USP15: variants seen among roughly 807,000 people sequenced by gnomAD.
The protein encoded by USP15 is ubiquitin carboxyl-terminal hydrolase 15.
USP15 carries 18 observed loss-of-function variants against 127.1 expected under a neutral mutation model. The ratio of observed to expected loss-of-function variants is 0.14; its 90% confidence interval spans 0.10 to 0.21. The LOEUF (loss-of-function observed/expected upper bound fraction) is 0.21, where lower values mean the gene tolerates loss of function less well. USP15 is among the 10% of genes least tolerant of loss of function. USP15 has a pLI of 1.00. For synonymous variants in USP15, 364 were observed against 393.7 expected, an observed-to-expected ratio of 0.92 and a Z score of 0.89; for missense variants, 805 against 1,159.9, an observed-to-expected ratio of 0.69 and a Z score of 4.44.
chr12:62,381,517 G>T lies in USP15; in HGVS notation c.943G>T (p.Glu315Ter). The T allele has an allele frequency of 6.2e-7, 1 of 1,611,292 alleles. No individual in the cohort carries two copies. The highest frequency in any genetic ancestry group is 8.5e-7 in the Non-Finnish European group (1 of 1,178,334). ...TTTGAGCAACACACCTCCACTTACT[G>T]AGTATTTCCTCAATGATAAGTATCA... ...QCLSNTPPLT[E>*]YFLNDKYQEE... The change falls in exon 9 of 22, where the codon GAG (glutamate) becomes TAG (stop). Residue 315 changes from glutamate to a stop codon, truncating the protein, a stop_gained. Transcript: ENST00000280377. LOFTEE classifies it high-confidence loss of function.
chr12:62,391,427 A>T lies in USP15; in HGVS notation c.2231A>T (p.Asp744Val). 1.9e-6 allele frequency: 3 copies of T among 1,598,136 alleles called. No individual in the cohort carries two copies. Among genetic ancestry groups the T allele is most frequent in the Non-Finnish European group, 2.6e-6 (3 of 1,175,336 alleles). Residue 744 changes from aspartate to valine, a missense_variant and splice_region_variant, in exon 16 of 22, where the codon GAT becomes GTT. Around this residue, in one of 11 missense-constraint regions of USP15, gnomAD observed 225 missense variants for 239.5 expected, o/e 0.94. Coordinates refer to ENST00000280377, the MANE Select transcript of USP15 (RefSeq NM_001252078.2). ...IRFDDRQLRLDERSFLALDWD... is the reference protein window; with the variant it reads ...IRFDDRQLRLVERSFLALDWD... ...TTTGATGATAGGCAGCTTAGGCTAG[A>T]TGGTAAGTATTTGTGAAAAATGGCT...
rs1187652295 is a variant in USP15 at position 62,415,942 on chromosome 12, C to G, written c.*11567C>G. ...TCCTTCCTTATGAATGAGAGCAGCTCTCTGTTCAATACGATTCATACTCAA... is the reference window on the plus strand; with the variant it reads ...TCCTTCCTTATGAATGAGAGCAGCTGTCTGTTCAATACGATTCATACTCAA... On this transcript the variant is annotated 3_prime_UTR_variant, in exon 22 of 22. Transcript: ENST00000280377. 1 of 152,152 alleles carries G rather than the reference C, an allele frequency of 6.6e-6. No individual in the cohort carries two copies. Among genetic ancestry groups the G allele is most frequent in the Non-Finnish European group, 1.5e-5 (1 of 68,038 alleles). The allele number at this position is 152,152 out of a possible 1,614,324, so 9.4% of individuals were successfully genotyped here. A position where few individuals can be genotyped will look rare whatever the true frequency, so the allele number is the denominator to read the frequency against.
At chr12:62,401,030 T>C (rs1296069312) in intron 20 of USP15, 157 bp from the exon 21 acceptor site, 2 of 461,020 alleles carry the variant, frequency 4.3e-6, no homozygotes, top group Non-Finnish European at 7.6e-6. Flanking sequence ...TTGTAGAAAT[T>C]AGAAATCATT....
chr12:62,354,068 ATTG>A lies in USP15; in HGVS notation c.771-1261_771-1259del, dbSNP rs565485812. On this transcript the variant is annotated intron_variant, in intron 7 of 21. Coordinates refer to ENST00000280377, the MANE Select transcript of USP15 (RefSeq NM_001252078.2). ...AATGCAAAAACATTAGTAGGCCAAC[ATTG>A]TATGTGTAATTTTAGGTTGGTTTGG... Among the ~76,000 whole-genome samples, 4 of 151,610 alleles carry A rather than the reference ATTG, an allele frequency of 2.6e-5. No homozygotes were observed. The South Asian group carries it at 8.3e-4, about 32-fold the overall frequency.
At chr12:62,392,438 T>C in intron 18 of USP15, 51 bp downstream of exon 18, 2 of 1,306,246 alleles carry the variant, frequency 1.5e-6, no homozygotes, top group East Asian at 4.7e-5. Flanking sequence ...GGATTTATTC[T>C]GAGATATGTG....
chr12:62,351,176 G>A (rs889771846), intron 7 of USP15, among the ~76,000 whole-genome samples: 1 of 151,458 alleles, frequency 6.6e-6, no homozygotes, highest in Non-Finnish European at 1.5e-5. Flanking sequence ...AAAGATATGT[G>A]CACTATGTGT....
intron 8 of USP15, among the ~76,000 whole-genome samples, chr12:62,379,184 ATAGAAGT>A (rs1365459163): frequency 1.2e-4 from 17 of 147,414 alleles, no homozygotes; most frequent in Non-Finnish European, 1.0e-4. Context: ...TGATGGATTT[ATAGAAGT>A]TAGTAAGGCC....
chr12:62,317,943 AC>A (rs2137265293), intron 4 of USP15, among the ~76,000 whole-genome samples: 1 of 152,318 alleles, frequency 6.6e-6, no homozygotes, highest in East Asian at 1.9e-4. Flanking sequence ...ACTACCAAAA[AC>A]ATAAAACTTC....
At chr12:62,289,839 A>G (rs1330483577) in intron 1 of USP15, among the ~76,000 whole-genome samples, 1 of 151,626 alleles carries the variant, frequency 6.6e-6, no homozygotes, top group East Asian at 1.9e-4. Flanking sequence ...CATTTTTTAA[A>G]ATTTTCATCT....
At chr12:62,365,544 C>T (rs1224722450) in intron 8 of USP15, among the ~76,000 whole-genome samples, 3 of 152,106 alleles carry the variant, frequency 2.0e-5, no homozygotes, top group Non-Finnish European at 4.4e-5. Flanking sequence ...TGTGCAGAAG[C>T]TTTTTAGTTT....
At chr12:62,296,048 T>C (rs1171379942) in intron 2 of USP15, among the ~76,000 whole-genome samples, 1 of 152,210 alleles carries the variant, frequency 6.6e-6, no homozygotes, top group Non-Finnish European at 1.5e-5. Flanking sequence ...AGGGTCAATA[T>C]GTCATTGCTG....
At position 62,389,685 on chromosome 12, in the gene USP15, G is replaced by A. The variant is rs757642006; in HGVS notation, c.1638G>A (p.Arg546=). ...MDENLSSIME[R]DDIYVFEINI... ...AAAACCTTAGTAGTATTATGGAACG[G>A]GATGATATTTATGTGTAAGTATAAA... Residue 546 remains arginine, a synonymous_variant, in exon 13 of 22, where the codon CGG becomes CGA. Coordinates refer to ENST00000280377, the MANE Select transcript of USP15 (RefSeq NM_001252078.2). 6 of 1,612,556 alleles carry A rather than the reference G, an allele frequency of 3.7e-6. No individual in the cohort carries two copies. The South Asian group carries it at 6.6e-5, about 18-fold the overall frequency.
At chr12:62,271,218 A>G (rs1325463662) in intron 1 of USP15, among the ~76,000 whole-genome samples, 1 of 152,126 alleles carries the variant, frequency 6.6e-6, no homozygotes, top group African/African-American at 2.4e-5. Context: ...TCGTCACATC[A>G]TACCCTTTAA....
At chr12:62,367,377 G>A (rs565066358) in intron 8 of USP15, among the ~76,000 whole-genome samples, 52 of 152,060 alleles carry the variant, frequency 3.4e-4, no homozygotes, top group African/African-American at 8.0e-4. Context: ...GACTCCAGGC[G>A]CCCGCCACCA....
At chr12:62,292,031 C>A (rs1162532849) in intron 1 of USP15, among the ~76,000 whole-genome samples, 2 of 151,906 alleles carry the variant, frequency 1.3e-5, no homozygotes, top group African/African-American at 4.8e-5. Flanking sequence ...CCAGGGAAAG[C>A]TCAGATATTC....
intron 20 of USP15, among the ~76,000 whole-genome samples, chr12:62,397,505 A>T (rs1168103421): frequency 6.6e-6 from 1 of 151,960 alleles, no homozygotes; most frequent in East Asian, 1.9e-4. Flanking sequence ...ATTGTTGTTT[A>T]TAATGCTTAT....
At chr12:62,261,437 CAT>C (rs1467038998) in intron 1 of USP15, among the ~76,000 whole-genome samples, 2 of 152,114 alleles carry the variant, frequency 1.3e-5, no homozygotes, top group Non-Finnish European at 2.9e-5. Flanking sequence ...TATAATAAAA[CAT>C]ATTTTCACTT....
chr12:62,351,788 A>G (rs2065973947), intron 7 of USP15, among the ~76,000 whole-genome samples: 1 of 152,020 alleles, frequency 6.6e-6, no homozygotes, highest in Non-Finnish European at 1.5e-5. Context: ...CTGAGGTACC[A>G]TGAAGCTGTG....
intron 11 of USP15, among the ~76,000 whole-genome samples, chr12:62,386,957 A>G (rs960165266): frequency 2.0e-5 from 3 of 152,198 alleles, no homozygotes; most frequent in African/African-American, 7.2e-5. Flanking sequence ...ATGTGTAAGT[A>G]TATTCAAAGA....
Sources: allele counts gnomAD v4.1 joint callset (sites outside exome capture counted in the v4.1 genomes callset), GRCh38; gene constraint gnomAD v4.1.1; regional missense constraint gnomAD v4.1.1; transcripts MANE v1.5; gene names NCBI Gene and HGNC (gene_info 2026-07-23, HGNC 2026-07-21).